WNT9A: variants seen among roughly 807,000 people sequenced by gnomAD.
WNT9A encodes the protein protein Wnt-9a.
WNT9A carries 8 observed loss-of-function variants against 31.4 expected under a neutral mutation model. That is an observed-to-expected ratio of 0.26 (90% confidence interval 0.15 to 0.46). The LOEUF is 0.46. Ranked by LOEUF, WNT9A falls within the 20% of genes least tolerant of loss-of-function variation. The probability of loss-of-function intolerance (pLI) is 0.99; values close to 1 mark genes in which losing one functional copy is unlikely to be tolerated. For synonymous variants in WNT9A, 236 were observed against 220.1 expected, an observed-to-expected ratio of 1.07 and a Z score of -0.64; for missense variants, 457 against 522.9, an observed-to-expected ratio of 0.87 and a Z score of 1.23.
chr1:227,925,272 G>A lies in WNT9A; in HGVS notation c.343C>T (p.Leu115Phe). The A allele has an allele frequency of 6.4e-7, 1 of 1,561,362 alleles. No homozygotes were observed. The highest frequency in any genetic ancestry group is 8.7e-7 in the Non-Finnish European group (1 of 1,152,680). The change falls in exon 2 of 4, where the codon CTC becomes TTC. Residue 115 changes from leucine to phenylalanine, a missense_variant. By Grantham distance (22) the Leu-to-Phe change is conservative (BLOSUM62 0). Coordinates refer to ENST00000272164, the MANE Select transcript of WNT9A (RefSeq NM_003395.4). The surrounding 1 kb of genome is among the most constrained non-coding windows in gnomAD (Gnocchi z 6.0). ...TLEGRYRASL[L>F]KRGFKETAFL... ...GGCCGGCCACACTCACCTCGCTTGA[G>A]CAGGCTGGCCCGGTAGCGGCCCTCC...
In WNT9A at chr1:227,942,253, C is replaced by A. The variant is rs1483373064; in HGVS notation, c.95+5540G>T. 2.0e-5 allele frequency among the ~76,000 whole-genome samples: 3 copies of A among 152,166 alleles called. No individual in the cohort carries two copies. On this transcript the variant is annotated intron_variant, in intron 1 of 3. Transcript: ENST00000272164. This position sits in a 1 kb window ranked among gnomAD's most constrained non-coding sequence, Gnocchi z 5.7. ...CTGTGGCAGGCCAGGCACTGCTGCT[C>A]CGTCCTTACCACACACCCTCCACAC...
At chr1:227,937,493 T>C (rs1283295766) in intron 1 of WNT9A, among the ~76,000 whole-genome samples, 2 of 152,232 alleles carry the variant, frequency 1.3e-5, no homozygotes, top group Non-Finnish European at 1.5e-5. Flanking sequence ...CAGAAGTAAC[T>C]GAGATAAGGA....
chr1:227,936,346 T>C (rs1383629844), intron 1 of WNT9A, among the ~76,000 whole-genome samples: 1 of 152,108 alleles, frequency 6.6e-6, no homozygotes, highest in East Asian at 1.9e-4. Flanking sequence ...GCTGCCAACA[T>C]GCCCAGCTAA....
In WNT9A at chr1:227,947,810, A is replaced by T. The variant is rs891472519; in HGVS notation, c.78T>A (p.Pro26=). 2 of 1,084,908 alleles carry T rather than the reference A, an allele frequency of 1.8e-6. No homozygotes were observed. Among genetic ancestry groups the T allele is most frequent in the Admixed American group, 5.3e-5 (1 of 19,006 alleles). The allele number at this position is 1,084,908 out of a possible 1,614,324, so 67.2% of individuals were successfully genotyped here. A position where few individuals can be genotyped will look rare whatever the true frequency, so the allele number is the denominator to read the frequency against. ...GLTLLLAALR[P]SAAYFGLTGS... ...GCACCTACCCGAAGTAGGCGGCCGA[A>T]GGGCGCAGCGCGGCGAGCAGCAGCG... The change falls in exon 1 of 4, where the codon CCT becomes CCA. Residue 26 remains proline (P), a synonymous_variant. Transcript: ENST00000272164.
Position 227,921,604 on chromosome 1 carries a change from G to A in WNT9A, c.1012C>T (p.Pro338Ser), listed in dbSNP as rs1289968130. The change falls in exon 4 of 4, where the codon CCC becomes TCC. Residue 338 changes from proline to serine, a missense_variant. Physicochemically the swap from Pro to Ser is moderately conservative, Grantham distance 74. Transcript: ENST00000272164. ...CACCAACGCACCTGGCACTGGCAGGGCCTTGTCACCACCCGGCTCTGTGTG... is the reference window on the plus strand; with the variant it reads ...CACCAACGCACCTGGCACTGGCAGGACCTTGTCACCACCCGGCTCTGTGTG... ...HNTQSRVVTR[P>S]CQCQVRWCCY... 6.2e-7 allele frequency: 1 copy of A among 1,613,402 alleles called. No individual in the cohort carries two copies. The highest frequency in any genetic ancestry group is 8.5e-7 in the Non-Finnish European group (1 of 1,180,012).
At chr1:227,934,252 T>C (rs1362984356) in intron 1 of WNT9A, among the ~76,000 whole-genome samples, 1 of 152,250 alleles carries the variant, frequency 6.6e-6, no homozygotes, top group African/African-American at 2.4e-5. Flanking sequence ...CTTAATCCCT[T>C]GGGAAATCAG....
At chr1:227,946,784 G>A (rs1163999107) in intron 1 of WNT9A, among the ~76,000 whole-genome samples, 1 of 152,214 alleles carries the variant, frequency 6.6e-6, no homozygotes, top group Non-Finnish European at 1.5e-5. Context: ...GGGGCCCTCT[G>A]CCGGCCAGCC....
intron 1 of WNT9A, among the ~76,000 whole-genome samples, chr1:227,927,757 A>C (rs1254231959): frequency 6.6e-6 from 1 of 152,080 alleles, no homozygotes. Context: ...GTGCCTCCCC[A>C]GGCCTGGACC....
intron 1 of WNT9A, among the ~76,000 whole-genome samples, chr1:227,934,437 C>G (rs1666557180): frequency 6.6e-6 from 1 of 152,214 alleles, no homozygotes; most frequent in Non-Finnish European, 1.5e-5. Context: ...ATTGCTTTCT[C>G]CTGTTTTTGT....
Position 227,921,458 on chromosome 1 carries a change from C to T in WNT9A, c.*60G>A. On this transcript the variant is annotated 3_prime_UTR_variant, in exon 4 of 4. Coordinates refer to ENST00000272164, the MANE Select transcript of WNT9A (RefSeq NM_003395.4). Reference sequence around the variant, plus strand: ...GGAACTCAGCCTGTGCAGGTGTAGACCCTTCACACCGTGTGCAATGCCTGC... The same window carrying T: ...GGAACTCAGCCTGTGCAGGTGTAGATCCTTCACACCGTGTGCAATGCCTGC... 6.4e-7 allele frequency: 1 copy of T among 1,563,208 alleles called. No homozygotes were observed. Among genetic ancestry groups the T allele is most frequent in the Non-Finnish European group, 8.7e-7 (1 of 1,152,934 alleles).
At position 227,919,087 on chromosome 1, in the gene WNT9A, A is replaced by T. The variant is rs2102713440; in HGVS notation, c.*2431T>A. 1 of 152,380 alleles carries T rather than the reference A, an allele frequency of 6.6e-6. No individual in the cohort carries two copies. Among genetic ancestry groups the T allele is most frequent in the Middle Eastern group, 3.4e-3 (1 of 294 alleles). 9.4% of individuals were successfully genotyped at this position (152,380 alleles called of 1,614,324 possible). A position where few individuals can be genotyped will look rare whatever the true frequency, so the allele number is the denominator to read the frequency against. Reference sequence around the variant, plus strand: ...ACATTTTTGGTCTGCCTTGTTTAAAAAAATAGTTTTCTGAATATTTATGAC... The same window carrying T: ...ACATTTTTGGTCTGCCTTGTTTAAATAAATAGTTTTCTGAATATTTATGAC... On this transcript the variant is annotated 3_prime_UTR_variant, in exon 4 of 4. Coordinates refer to ENST00000272164, the MANE Select transcript of WNT9A (RefSeq NM_003395.4).
At chr1:227,940,711 G>A (rs1666688586) in intron 1 of WNT9A, among the ~76,000 whole-genome samples, 1 of 152,236 alleles carries the variant, frequency 6.6e-6, no homozygotes. Context: ...AACAAATGCA[G>A]CCTGCGGCTT....
rs539090755 is a variant in WNT9A, at chr1:227,922,007, G to A, written c.616-7C>T. On this transcript the variant is annotated splice_region_variant and splice_polypyrimidine_tract_variant and intron_variant, in intron 3 of 3. Transcript: ENST00000272164. ...CCACCCCAGCCTTGATCACCTGGCA[G>A]AAGGGTGCGGGAGGGAGGGCAGTGT... The A allele has an allele frequency of 5.6e-6, 9 of 1,599,058 alleles. No homozygotes were observed. The Admixed American group carries it at 1.2e-4, about 21-fold the overall frequency.
rs141239747 is a variant in WNT9A, at chr1:227,924,430, C to T, written c.353-30G>A. 4,422 of 1,593,448 alleles carry T rather than the reference C, an allele frequency of 2.8e-3. 118 individuals carry two copies. In the Admixed American group the frequency reaches 0.042, roughly 15 times the overall value. On this transcript the variant is annotated intron_variant, in intron 2 of 3. Coordinates refer to ENST00000272164, the MANE Select transcript of WNT9A (RefSeq NM_003395.4). ...GGTTGGCAAGGGCCGATCAGTGAGC[C>T]CAGGCTGCCCAGAGTTCCCCCTTCA...
intron 1 of WNT9A, among the ~76,000 whole-genome samples, chr1:227,930,998 TC>T (rs1666502186): frequency 9.8e-6 from 1 of 101,546 alleles, no homozygotes; most frequent in South Asian, 2.9e-4. Context: ...AGACTCCGTC[TC>T]AAAAAAAAAA....
At chr1:227,930,089 A>G (rs909204568) in intron 1 of WNT9A, among the ~76,000 whole-genome samples, 1 of 152,222 alleles carries the variant, frequency 6.6e-6, no homozygotes, top group African/African-American at 2.4e-5. Flanking sequence ...CTGCACGTGC[A>G]TTGTACCTTC....
chr1:227,945,040 A>C (rs534957960), intron 1 of WNT9A, among the ~76,000 whole-genome samples: 1 of 152,252 alleles, frequency 6.6e-6, no homozygotes, highest in Admixed American at 6.5e-5. Flanking sequence ...CCACATCCAG[A>C]GGGTCTGGGC....
chr1:227,921,386 A>G lies in WNT9A; in HGVS notation c.*132T>C, dbSNP rs1666309571. Reference sequence around the variant, plus strand: ...CCCATGCAGGTGTAGACCCATTCACACTGTGTGCAATGCCTGTACCCCACG... The same window carrying G: ...CCCATGCAGGTGTAGACCCATTCACGCTGTGTGCAATGCCTGTACCCCACG... On this transcript the variant is annotated 3_prime_UTR_variant, in exon 4 of 4. Transcript: ENST00000272164. 7.1e-7 allele frequency: 1 copy of G among 1,406,846 alleles called. No homozygotes were observed. The highest frequency in any genetic ancestry group is 9.6e-7 in the Non-Finnish European group (1 of 1,043,840). The allele number at this position is 1,406,846 out of a possible 1,614,324, so 87.1% of individuals were successfully genotyped here.
intron 1 of WNT9A, among the ~76,000 whole-genome samples, chr1:227,939,502 C>T (rs746587195): frequency 8.5e-5 from 13 of 152,156 alleles, no homozygotes; most frequent in Admixed American, 2.6e-4. Context: ...GGCAGCTAAA[C>T]GGGCCTTGTC....
Sources: allele counts gnomAD v4.1 joint callset (sites outside exome capture counted in the v4.1 genomes callset), GRCh38; gene constraint gnomAD v4.1.1; non-coding constraint Gnocchi (gnomAD v3.1); transcripts MANE v1.5; gene names NCBI Gene and HGNC (gene_info 2026-07-23, HGNC 2026-07-21).